Variants in PRP4K observed in about 807,000 individuals in gnomAD.
PRP4K encodes serine/threonine-protein kinase PRP4 homolog.
chr6:4,042,383 T>G, the PRP4K span: 2 of 840,392 alleles, frequency 2.4e-6, no homozygotes, highest in Non-Finnish European at 3.7e-6. Context: ...ACTTAAGACT[T>G]TTGCTCTAAC....
At chr6:4,024,108 G>A in the PRP4K span, among the ~76,000 whole-genome samples, 95 of 152,058 alleles carry the variant, frequency 6.2e-4, no homozygotes, top group African/African-American at 2.2e-3. Flanking sequence ...CTCGTGATCC[G>A]CCCACCTCAG....
chr6:4,037,426 G>C, the PRP4K span: 2 of 1,613,430 alleles, frequency 1.2e-6, no homozygotes, highest in African/African-American at 1.3e-5. Context: ...ATCCTCAGTA[G>C]ACGTGAAAGA....
chr6:4,034,324 G>A, the PRP4K span, among the ~76,000 whole-genome samples: 1 of 152,098 alleles, frequency 6.6e-6, no homozygotes, highest in Non-Finnish European at 1.5e-5. Context: ...TATTGAAACT[G>A]ATGAAAAATT....
chr6:4,041,163 A>T, the PRP4K span, among the ~76,000 whole-genome samples: 6 of 152,252 alleles, frequency 3.9e-5, no homozygotes, highest in Non-Finnish European at 8.8e-5. Flanking sequence ...CCTTCATTTT[A>T]TTGTGAGCCT....
chr6:4,058,896 AAAAC>A, the PRP4K span: 1 of 1,150,556 alleles, frequency 8.7e-7, no homozygotes, highest in South Asian at 1.5e-5. Context: ...AATTAAAAAA[AAAAC>A]AAAAACCCAA....
chr6:4,057,194 C>A, the PRP4K span: 1 of 1,608,814 alleles, frequency 6.2e-7, no homozygotes, highest in African/African-American at 1.3e-5. Flanking sequence ...TAAGGTAAGA[C>A]ATTAGCATGA....
the PRP4K span, chr6:4,032,807 A>G: frequency 7.0e-7 from 1 of 1,430,342 alleles, no homozygotes; most frequent in Non-Finnish European, 9.2e-7. Flanking sequence ...GAGATTTTAA[A>G]CGGAAAACTA....
chr6:4,021,501 G>T, the PRP4K span: 3 of 1,566,934 alleles, frequency 1.9e-6, no homozygotes, highest in South Asian at 2.3e-5. Context: ...AGAAGCTGGA[G>T]CCCGGGGACT....
At chr6:4,032,421 T>C in the PRP4K span, 1 of 1,613,660 alleles carries the variant, frequency 6.2e-7, no homozygotes, top group Non-Finnish European at 8.5e-7. Context: ...AAGAGGTAAA[T>C]CCAAAGACAG....
the PRP4K span, among the ~76,000 whole-genome samples, chr6:4,034,052 T>C: frequency 3.5e-4 from 54 of 152,260 alleles, no homozygotes; most frequent in Non-Finnish European, 6.8e-4. Context: ...GAAATCCAAA[T>C]AAGCCTGTAA....
the PRP4K span, chr6:4,048,957 G>A: frequency 8.3e-7 from 1 of 1,207,802 alleles, no homozygotes; most frequent in Non-Finnish European, 1.2e-6. Context: ...TGTTTTAAAG[G>A]AAGTGCGTTA....
At chr6:4,045,181 A>G in the PRP4K span, among the ~76,000 whole-genome samples, 1 of 152,212 alleles carries the variant, frequency 6.6e-6, no homozygotes, top group Non-Finnish European at 1.5e-5. Flanking sequence ...TTGAACGGAC[A>G]TGGCTGTGTT....
At chr6:4,056,317 G>T in the PRP4K span, 1 of 1,596,744 alleles carries the variant, frequency 6.3e-7, no homozygotes, top group Non-Finnish European at 8.6e-7. Context: ...AAAATGTTTT[G>T]CAGGTTAATG....
the PRP4K span, chr6:4,037,476 C>G: frequency 1.2e-6 from 2 of 1,613,966 alleles, no homozygotes; most frequent in East Asian, 2.2e-5. Context: ...GTCTCCAACC[C>G]GAAGAAGAAG....
the PRP4K span, among the ~76,000 whole-genome samples, chr6:4,026,660 G>C: frequency 1.0e-3 from 157 of 152,262 alleles, no homozygotes; most frequent in Admixed American, 1.2e-3. Flanking sequence ...ACCTGCTATA[G>C]ATTAGATAAT....
the PRP4K span, among the ~76,000 whole-genome samples, chr6:4,039,125 CT>C: frequency 6.6e-6 from 1 of 152,136 alleles, no homozygotes; most frequent in Non-Finnish European, 1.5e-5. Context: ...TGCATGTTTA[CT>C]TTTCATTTGA....
chr6:4,025,885 A>C, the PRP4K span, among the ~76,000 whole-genome samples: 1 of 152,252 alleles, frequency 6.6e-6, no homozygotes, highest in Non-Finnish European at 1.5e-5. Flanking sequence ...TGTGCCTACT[A>C]TGTGTGTGCA....
At chr6:4,044,863 A>AT in the PRP4K span, among the ~76,000 whole-genome samples, 51 of 132,290 alleles carry the variant, frequency 3.9e-4, 1 homozygote, top group African/African-American at 8.1e-4. Flanking sequence ...TATTATTATT[A>AT]TTTTTTTTTT....
At chr6:4,031,969 A>G in the PRP4K span, 1 of 1,614,116 alleles carries the variant, frequency 6.2e-7, no homozygotes, top group Admixed American at 1.7e-5. Context: ...GGGGAAATTC[A>G]TGAAAAGGCA....
Sources: gnomAD v4.1 joint callset for allele counts (sites outside exome capture counted in the v4.1 genomes callset) on GRCh38, gnomAD v4.1.1 for gene constraint, MANE v1.5 for transcripts, NCBI Gene and HGNC (gene_info 2026-07-23, HGNC 2026-07-21) for gene names.